SSUH2: variants seen among roughly 807,000 people sequenced by gnomAD.
SSUH2 encodes the protein ssu-2 homolog.
SSUH2 carries 47 observed loss-of-function variants against 55.3 expected under a neutral mutation model. That is an observed-to-expected ratio of 0.85 (90% CI 0.67 to 1.08). SSUH2 has a LOEUF of 1.08. Ranked by LOEUF, SSUH2 falls within the 50% of genes least tolerant of loss-of-function variation. The probability of loss-of-function intolerance (pLI) is 0.00; values close to 1 mark genes in which losing one functional copy is unlikely to be tolerated. For missense variants in SSUH2, 535 were observed against 490.7 expected (o/e 1.09, Z -0.85); for synonymous variants, 212 against 191.5 (o/e 1.11, Z -0.89).
intron 10 of SSUH2, among the ~76,000 whole-genome samples, 177 bp downstream of exon 10, chr3:8,625,365 A>G (rs2125106177): frequency 6.6e-6 from 1 of 152,202 alleles, no homozygotes; most frequent in East Asian, 1.9e-4. Flanking sequence ...GTAAAAGTCA[A>G]AAGGAAACTG....
chr3:8,640,696 A>G (rs1700678240), intron 1 of SSUH2, among the ~76,000 whole-genome samples: 1 of 152,158 alleles, frequency 6.6e-6, no homozygotes, highest in Non-Finnish European at 1.5e-5. Context: ...TGGAGAGAGA[A>G]GCATGAATAG....
chr3:8,619,784 A>T lies in SSUH2; in HGVS notation c.*84T>A. 1 of 1,501,564 alleles carries T rather than the reference A, an allele frequency of 6.7e-7. No individual in the cohort carries two copies. Among genetic ancestry groups the T allele is most frequent in the Non-Finnish European group, 9.0e-7 (1 of 1,105,268 alleles). 93.0% of individuals were successfully genotyped at this position (1,501,564 alleles called of 1,614,324 possible). On this transcript the variant is annotated 3_prime_UTR_variant, in exon 12 of 12. Transcript: ENST00000544814. ...GGGTTTGTATGTGATTGTCCAATGC[A>T]GCCAACAGTGAACACACTCAGAGAG...
chr3:8,661,720 G>A (rs144962170), intron 6 of SSUH2, among the ~76,000 whole-genome samples: 1 of 152,320 alleles, frequency 6.6e-6, no homozygotes, highest in Non-Finnish European at 1.5e-5. Flanking sequence ...TATATGCAGT[G>A]GGTTGCATTA....
At chr3:8,673,609 G>C (rs1575387754) in intron 3 of SSUH2, among the ~76,000 whole-genome samples, 2 of 152,144 alleles carry the variant, frequency 1.3e-5, no homozygotes, top group African/African-American at 4.8e-5. Context: ...GATTGCCATC[G>C]GTTGCTCATG....
intron 3 of SSUH2, among the ~76,000 whole-genome samples, chr3:8,672,324 C>A (rs765593733): frequency 6.6e-6 from 1 of 151,954 alleles, no homozygotes; most frequent in Non-Finnish European, 1.5e-5. Context: ...AGAATATTAT[C>A]CTCCCCCGCC....
rs146001908 is a variant in SSUH2, at chr3:8,680,977, T to A, written c.-1046+914A>T. ...ATTATCATCCTCTCCCCCTCTTCCC[T>A]CCCTGGCTCTTAGGACCCCCATCGC... On this transcript the variant is annotated intron_variant, in intron 1 of 18. Coordinates refer to the SSUH2 transcript ENST00000317371. 6.9e-4 allele frequency among the ~76,000 whole-genome samples: 100 copies of A among 144,546 alleles called. 2 individuals are homozygous for A. Among genetic ancestry groups the A allele is most frequent in the Middle Eastern group, 3.2e-3 (1 of 312 alleles). 94.8% of individuals were successfully genotyped at this position (144,546 alleles called of 152,430 possible). A position where few individuals can be genotyped will look rare whatever the true frequency, so the allele number is the denominator to read the frequency against.
rs1699744164 is a variant in SSUH2, at chr3:8,635,352, C to A, written c.157G>T (p.Ala53Ser). ...RGQIFFPPLEAPGRPQEQRSW... is the reference protein window; with the variant it reads ...RGQIFFPPLESPGRPQEQRSW... ...CTTTGCTCCTGGGGCCTCCCTGGGGCCTCCAAAGGTGGGAAGAATATCTGT... is the reference window on the plus strand; with the variant it reads ...CTTTGCTCCTGGGGCCTCCCTGGGGACTCCAAAGGTGGGAAGAATATCTGT... The change falls in exon 3 of 12, where the codon GCC (alanine) becomes TCC (serine). Residue 53 changes from alanine (A) to serine (S), a missense_variant. By Grantham distance (99) the Ala-to-Ser change is moderately conservative (BLOSUM62 1). Coordinates refer to ENST00000544814, the MANE Select transcript of SSUH2 (RefSeq NM_001256748.3). 6.5e-7 allele frequency: 1 copy of A among 1,535,920 alleles called. No individual in the cohort carries two copies. The highest frequency in any genetic ancestry group is 8.7e-7 in the Non-Finnish European group (1 of 1,146,852).
chr3:8,656,836 G>T (rs1417502910), intron 7 of SSUH2, among the ~76,000 whole-genome samples: 1 of 151,772 alleles, frequency 6.6e-6, no homozygotes, highest in African/African-American at 2.4e-5. Flanking sequence ...CTCTTCCATG[G>T]GATTTACCAC....
chr3:8,672,877 T>C (rs1031550510), intron 3 of SSUH2, among the ~76,000 whole-genome samples: 2 of 152,070 alleles, frequency 1.3e-5, no homozygotes, highest in Non-Finnish European at 2.9e-5. Flanking sequence ...GGAGATGATA[T>C]TCGGATCAAT....
At chr3:8,666,625 G>A (rs766843920) in intron 5 of SSUH2, among the ~76,000 whole-genome samples, 2 of 152,140 alleles carry the variant, frequency 1.3e-5, no homozygotes, top group Non-Finnish European at 2.9e-5. Flanking sequence ...TGACATCTGT[G>A]ACCAAATGTA....
chr3:8,631,469 G>A (rs1698758484), intron 5 of SSUH2, among the ~76,000 whole-genome samples: 1 of 152,178 alleles, frequency 6.6e-6, no homozygotes, highest in Non-Finnish European at 1.5e-5. Context: ...AAAGGGCTCT[G>A]AAAACTCAGA....
Position 8,678,647 on chromosome 3 carries a change from T to TG in SSUH2, c.-901+1057dup, listed in dbSNP as rs1324773941. On this transcript the variant is annotated intron_variant, in intron 2 of 18. Transcript: ENST00000317371. ...CCGGCTTTTGGGACCCCCATCGCAG[T>TG]GGGGGGAGGCACCCCCCGCGAGGCG... Among the ~76,000 whole-genome samples, 21 of 24,932 alleles carry TG rather than the reference T, an allele frequency of 8.4e-4. 4 individuals carry two copies. Among genetic ancestry groups the TG allele is most frequent in the African/African-American group, 3.5e-3 (21 of 5,992 alleles). The allele number at this position is 24,932 out of a possible 152,430, so 16.4% of individuals were successfully genotyped here. A position where few individuals can be genotyped will look rare whatever the true frequency, so the allele number is the denominator to read the frequency against.
At chr3:8,663,447 T>C (rs1390895063) in intron 6 of SSUH2, among the ~76,000 whole-genome samples, 3 of 152,238 alleles carry the variant, frequency 2.0e-5, no homozygotes, top group Admixed American at 1.3e-4. Flanking sequence ...TCGTCCTTTG[T>C]TCCCTGATAG....
chr3:8,675,144 G>A (rs1027239019), intron 3 of SSUH2, among the ~76,000 whole-genome samples: 12 of 152,138 alleles, frequency 7.9e-5, no homozygotes, highest in Admixed American at 5.2e-4. Context: ...TACCTAACCC[G>A]TCCACATTGT....
intron 6 of SSUH2, 102 bp downstream of exon 6, chr3:8,630,703 T>C (rs9822595): frequency 0.024 from 28,264 of 1,166,268 alleles, 1,084 homozygotes; most frequent in African/African-American, 0.17. Context: ...GGCCTGAATT[T>C]TGGGTTTCCC....
rs148229926 is a variant in SSUH2 at position 8,632,324 on chromosome 3, C to T, written c.340-215G>A. 2.6e-4 allele frequency among the ~76,000 whole-genome samples: 40 copies of T among 152,280 alleles called. No homozygotes were observed. In the East Asian group the frequency reaches 7.5e-3, roughly 29 times the overall value. On this transcript the variant is annotated intron_variant, in intron 4 of 11. Transcript: ENST00000544814. ...AGTCAGCCAGCCCCAGGAAATCTCC[C>T]CTGACAGGCTCAAACTAGAGCTAAT...
chr3:8,632,436 T>C (rs920641952), intron 4 of SSUH2, among the ~76,000 whole-genome samples: 3 of 152,246 alleles, frequency 2.0e-5, no homozygotes, highest in East Asian at 3.8e-4. Flanking sequence ...CCCTGGAATC[T>C]ATGGCTTTGA....
chr3:8,668,085 G>T (rs1267004820), intron 5 of SSUH2, among the ~76,000 whole-genome samples: 1 of 152,020 alleles, frequency 6.6e-6, no homozygotes, highest in Non-Finnish European at 1.5e-5. Context: ...AGGGTCTCCA[G>T]GTGAAGCACC....
In SSUH2 at chr3:8,655,780, G is replaced by A. The variant is rs367646614; in HGVS notation, c.-307+3145C>T. 3.5e-4 allele frequency among the ~76,000 whole-genome samples: 53 copies of A among 152,228 alleles called. 1 individual carries two copies. The highest frequency in any genetic ancestry group is 3.4e-3 in the Middle Eastern group (1 of 294). On this transcript the variant is annotated intron_variant, in intron 7 of 18. Coordinates refer to the SSUH2 transcript ENST00000317371. ...CAGAAAACTGATAACACAGCCCCTC[G>A]CTCTTCTGTTTTTGTCAGAAGAATG...
Sources: gnomAD v4.1 joint callset for allele counts (sites outside exome capture counted in the v4.1 genomes callset) on GRCh38, gnomAD v4.1.1 for gene constraint, MANE v1.5 for transcripts, NCBI Gene and HGNC (gene_info 2026-07-23, HGNC 2026-07-21) for gene names.